Variants in SLC8A1 observed in about 807,000 individuals in gnomAD.
The protein encoded by SLC8A1 is sodium/calcium exchanger 1.
Under a neutral mutation model 68.3 loss-of-function variants are expected in SLC8A1, and 18 were observed. The observed-to-expected ratio is 0.26, with a 90% CI of 0.18 to 0.39. SLC8A1 has a LOEUF of 0.39. Among genes scored for constraint, SLC8A1 ranks in the 10% least tolerant of loss-of-function variants. The pLI, the probability that SLC8A1 is intolerant of heterozygous loss-of-function variation, is 1.00. For synonymous variants in SLC8A1, 475 were observed against 415.5 expected (o/e 1.14, Z -1.74); for missense variants, 985 against 1,156.7 (o/e 0.85, Z 2.15).
chr2:40,216,201 T>A (rs1485005832), intron 2 of SLC8A1, among the ~76,000 whole-genome samples: 1 of 152,044 alleles, frequency 6.6e-6, no homozygotes, highest in African/African-American at 2.4e-5. Flanking sequence ...TCCCCCTCCC[T>A]GTGTCCATGT....
intron 2 of SLC8A1, among the ~76,000 whole-genome samples, chr2:40,426,530 G>A (rs1009553240): frequency 5.3e-5 from 8 of 151,854 alleles, no homozygotes; most frequent in African/African-American, 7.3e-5. Context: ...CTTCTGCATC[G>A]TACCACCCAA....
rs140024621 is a variant in SLC8A1 at position 40,251,795 on chromosome 2, G to C, written c.1809-73940C>G. 2.6e-5 allele frequency: 4 copies of C among 152,006 alleles called. No individual in the cohort carries two copies. In the South Asian group the frequency reaches 8.3e-4, roughly 31 times the overall value. The allele number at this position is 152,006 out of a possible 1,614,324, so 9.4% of individuals were successfully genotyped here. A position where few individuals can be genotyped will look rare whatever the true frequency, so the allele number is the denominator to read the frequency against. On this transcript the variant is annotated intron_variant, in intron 2 of 7. Coordinates refer to ENST00000406785, the Ensembl canonical transcript of SLC8A1. ...GCACGGTAAGCCTCATATGACTTTC[G>C]TCTCTCTATTCTTTTAGAAGTTGGT...
At chr2:40,357,870 T>A (rs1204819617) in intron 2 of SLC8A1, among the ~76,000 whole-genome samples, 1 of 152,076 alleles carries the variant, frequency 6.6e-6, no homozygotes, top group Non-Finnish European at 1.5e-5. Flanking sequence ...TCTTTCCTGT[T>A]TCCTAACTTT....
At chr2:40,415,241 C>G (rs1293245418) in intron 2 of SLC8A1, among the ~76,000 whole-genome samples, 1 of 152,064 alleles carries the variant, frequency 6.6e-6, no homozygotes, top group African/African-American at 2.4e-5. Context: ...TGAATAATTG[C>G]TTTTTAAAGC....
In SLC8A1 at chr2:40,350,620, A is replaced by AG. The variant is rs1559348330; in HGVS notation, c.1808+77852dup. Among the ~76,000 whole-genome samples the AG allele has an allele frequency of 4.5e-3, 572 of 128,382 alleles. 5 individuals are homozygous for AG. Among genetic ancestry groups the AG allele is most frequent in the Middle Eastern group, 8.9e-3 (2 of 224 alleles). 84.2% of individuals were successfully genotyped at this position (128,382 alleles called of 152,430 possible). A position where few individuals can be genotyped will look rare whatever the true frequency, so the allele number is the denominator to read the frequency against. On this transcript the variant is annotated intron_variant, in intron 2 of 7. Coordinates refer to ENST00000406785, the Ensembl canonical transcript of SLC8A1. ...AAAAAAAAAAAAAAAAAAAAAAAAA[A>AG]GGCATTTCCATGTATGGCTGAATTA...
At position 40,376,795 on chromosome 2, in the gene SLC8A1, G is replaced by A. The variant is rs12475829; in HGVS notation, c.1808+51678C>T. On this transcript the variant is annotated intron_variant, in intron 2 of 7. Coordinates refer to ENST00000406785, the Ensembl canonical transcript of SLC8A1. ...GCAGATTCTATATGTCCTTAATGCAGGAGGAGTAGGGCTTATAAAATCTCT... is the reference window on the plus strand; with the variant it reads ...GCAGATTCTATATGTCCTTAATGCAAGAGGAGTAGGGCTTATAAAATCTCT... Among the ~76,000 whole-genome samples the A allele has an allele frequency of 9.9e-5, 15 of 152,206 alleles. No individual in the cohort carries two copies. The South Asian group carries it at 2.1e-3, about 21-fold the overall frequency.
chr2:40,372,593 T>C (rs1207104045), intron 2 of SLC8A1, among the ~76,000 whole-genome samples: 1 of 152,156 alleles, frequency 6.6e-6, no homozygotes, highest in Non-Finnish European at 1.5e-5. Context: ...TCTTTTCTTT[T>C]TTTCTCCTTT....
intron 2 of SLC8A1, chr2:40,177,881 A>T: frequency 6.9e-7 from 1 of 1,445,440 alleles, no homozygotes; most frequent in Non-Finnish European, 9.5e-7. Context: ...ACAAAGGCAA[A>T]ACAAATGGTT....
intron 1 of SLC8A1, among the ~76,000 whole-genome samples, chr2:40,481,574 A>G (rs1704630030): frequency 6.6e-6 from 1 of 152,210 alleles, no homozygotes; most frequent in Non-Finnish European, 1.5e-5. Flanking sequence ...TGTAAGAACC[A>G]TAGTTCGATC....
At chr2:40,424,268 G>C (rs2149761153) in intron 2 of SLC8A1, among the ~76,000 whole-genome samples, 1 of 151,436 alleles carries the variant, frequency 6.6e-6, no homozygotes, top group Non-Finnish European at 1.5e-5. Flanking sequence ...ATTTCACCTT[G>C]TTTACATCTG....
At chr2:40,477,946 T>G (rs1189148037) in intron 1 of SLC8A1, among the ~76,000 whole-genome samples, 1 of 152,194 alleles carries the variant, frequency 6.6e-6, no homozygotes, top group Non-Finnish European at 1.5e-5. Context: ...GACCATAATG[T>G]ATCAAGAACT....
intron 1 of SLC8A1, among the ~76,000 whole-genome samples, chr2:40,485,578 G>A (rs1314238922): frequency 6.6e-6 from 1 of 152,104 alleles, no homozygotes; most frequent in African/African-American, 2.4e-5. Context: ...CCTCTTTTCT[G>A]TAATTCATCT....
chr2:40,251,053 T>C (rs890576681), intron 2 of SLC8A1: 1 of 152,112 alleles, frequency 6.6e-6, no homozygotes, highest in Non-Finnish European at 1.5e-5. Flanking sequence ...AGAAGAAATG[T>C]TTTATTCAGT....
chr2:40,388,304 C>G (rs78676371), intron 2 of SLC8A1, among the ~76,000 whole-genome samples: 4,125 of 152,080 alleles, frequency 0.027, 86 homozygotes, highest in Non-Finnish European at 0.04. Context: ...TGTGTGTCCC[C>G]GTGAAACATA....
intron 6 of SLC8A1, among the ~76,000 whole-genome samples, chr2:40,140,662 T>C (rs1049008514): frequency 1.8e-4 from 28 of 152,264 alleles, no homozygotes; most frequent in South Asian, 1.2e-3. Flanking sequence ...TACATGTTCA[T>C]GTTCTCTTCT....
At chr2:40,367,150 C>T (rs1676490256) in intron 2 of SLC8A1, among the ~76,000 whole-genome samples, 2 of 151,936 alleles carry the variant, frequency 1.3e-5, no homozygotes, top group African/African-American at 2.4e-5. Context: ...TGTGCTGATC[C>T]CCAAAGACAA....
At chr2:40,167,345 T>C (rs1024458626) in intron 4 of SLC8A1, among the ~76,000 whole-genome samples, 1 of 152,200 alleles carries the variant, frequency 6.6e-6, no homozygotes, top group East Asian at 1.9e-4. Flanking sequence ...TTTTTTCCAT[T>C]GTAAAAATTT....
chr2:40,356,354 C>G (rs541583590), intron 2 of SLC8A1, among the ~76,000 whole-genome samples: 1 of 152,212 alleles, frequency 6.6e-6, no homozygotes, highest in South Asian at 2.1e-4. Context: ...GTATGAAAAA[C>G]CAATTCCTGC....
chr2:40,165,078 C>G (rs114208574), intron 4 of SLC8A1, 94 bp from the exon 8 acceptor site: 1 of 1,509,044 alleles, frequency 6.6e-7, no homozygotes, highest in African/African-American at 1.4e-5. Flanking sequence ...AGGAAGGAAG[C>G]CCTAATGACC....
Sources: gnomAD v4.1 joint callset for allele counts (sites outside exome capture counted in the v4.1 genomes callset) on GRCh38, gnomAD v4.1.1 for gene constraint, MANE v1.5 for transcripts, NCBI Gene and HGNC (gene_info 2026-07-23, HGNC 2026-07-21) for gene names.